Variants in LDLRAD4 observed in about 807,000 individuals in gnomAD.
The protein encoded by LDLRAD4 is low-density lipoprotein receptor class A domain-containing protein 4.
In LDLRAD4, 5 loss-of-function variants were observed where a neutral mutation model predicts 17.0. The ratio of observed to expected loss-of-function variants is 0.29; its 90% CI spans 0.15 to 0.62. The LOEUF is 0.62. LDLRAD4 is among the 20% of genes least tolerant of loss of function. The pLI, the probability that LDLRAD4 is intolerant of heterozygous loss-of-function variation, is 0.84. For missense variants in LDLRAD4, 340 were observed against 424.7 expected, an observed-to-expected ratio of 0.80 and a Z score of 1.75; for synonymous variants, 168 against 171.8, an observed-to-expected ratio of 0.98 and a Z score of 0.17.
intron 1 of LDLRAD4, among the ~76,000 whole-genome samples, chr18:13,343,933 G>A (rs1282345815): frequency 2.0e-5 from 3 of 152,100 alleles, no homozygotes. Context: ...GGGGTTATTT[G>A]TTTTTTTCTT....
intron 1 of LDLRAD4, among the ~76,000 whole-genome samples, chr18:13,336,785 C>T (rs1183448506): frequency 6.6e-6 from 1 of 151,958 alleles, no homozygotes; most frequent in Non-Finnish European, 1.5e-5. Flanking sequence ...CCCTCCCTCT[C>T]TTCTGTCTTC....
chr18:13,290,766 C>A (rs2045920325), intron 1 of LDLRAD4, among the ~76,000 whole-genome samples: 2 of 152,172 alleles, frequency 1.3e-5, no homozygotes, highest in Admixed American at 1.3e-4. Context: ...ACCAGAAGAA[C>A]AGAAACACCT....
rs141282654 is a variant in LDLRAD4, at chr18:13,572,418, G to C, written c.182-48699G>C. Among the ~76,000 whole-genome samples, 8 of 152,334 alleles carry C rather than the reference G, an allele frequency of 5.3e-5. No individual in the cohort carries two copies. The East Asian group carries it at 1.5e-3, about 29-fold the overall frequency. On this transcript the variant is annotated intron_variant, in intron 3 of 5. Coordinates refer to ENST00000359446, the Ensembl canonical transcript of LDLRAD4. ...TGCCTGTGATGTGCTTACAGCCTGG[G>C]CTGGGAGTGGAAGGAGGCTCTGGTT...
At position 13,428,803 on chromosome 18, in the gene LDLRAD4, A is replaced by G. The variant is rs115209956; in HGVS notation, c.41-9441A>G. ...CTCTATCCCCAGTGCAGTTTCTGAG[A>G]TAGGGAAAGCTACTGGGGGAGTGAC... On this transcript the variant is annotated intron_variant, in intron 2 of 5. Coordinates refer to ENST00000359446, the Ensembl canonical transcript of LDLRAD4. 8.5e-3 allele frequency among the ~76,000 whole-genome samples: 1,294 copies of G among 152,226 alleles called. 24 individuals are homozygous for G. The highest frequency in any genetic ancestry group is 0.029 in the African/African-American group (1,221 of 41,516).
At chr18:13,283,484 A>G (rs2045412019) in intron 1 of LDLRAD4, among the ~76,000 whole-genome samples, 2 of 152,224 alleles carry the variant, frequency 1.3e-5, no homozygotes, top group African/African-American at 4.8e-5. Context: ...AAATGTTGCC[A>G]GTCTCTTTGC....
In LDLRAD4 at chr18:13,237,943, G is replaced by A. The variant is rs141647080; in HGVS notation, c.-467+18955G>A. Among the ~76,000 whole-genome samples, 548 of 152,276 alleles carry A rather than the reference G, an allele frequency of 3.6e-3. 6 individuals carry two copies. Among genetic ancestry groups the A allele is most frequent in the African/African-American group, 0.011 (468 of 41,546 alleles). The stretch of plus-strand genomic sequence containing the variant: ...AAATGGGAGGCTGGGGTAGAGTCTG[G>A]TGGCCTCCTGGATGCCCACCCTGGT... On this transcript the variant is annotated intron_variant, in intron 1 of 5. Coordinates refer to the LDLRAD4 transcript ENST00000399848.
chr18:13,460,767 A>G (rs1242569840), intron 3 of LDLRAD4, among the ~76,000 whole-genome samples: 1 of 152,152 alleles, frequency 6.6e-6, no homozygotes, highest in Non-Finnish European at 1.5e-5. Flanking sequence ...TGTGTATTTA[A>G]TTATTTTAAT....
chr18:13,322,263 A>G (rs921374356), intron 1 of LDLRAD4, among the ~76,000 whole-genome samples: 1 of 117,436 alleles, frequency 8.5e-6, no homozygotes, highest in Non-Finnish European at 1.8e-5. Flanking sequence ...TATTTCTATT[A>G]TTTATTTAAG....
chr18:13,239,218 C>T (rs1026078282), intron 1 of LDLRAD4, among the ~76,000 whole-genome samples: 11 of 149,592 alleles, frequency 7.4e-5, no homozygotes, highest in Non-Finnish European at 1.2e-4. Flanking sequence ...CTGCTTGTAA[C>T]TGCGGGCTCG....
At chr18:13,495,139 G>A (rs868222068) in intron 3 of LDLRAD4, among the ~76,000 whole-genome samples, 1 of 152,148 alleles carries the variant, frequency 6.6e-6, no homozygotes, top group Non-Finnish European at 1.5e-5. Context: ...GGGCTATGCA[G>A]CAGGATTCAG....
chr18:13,581,862 C>G (rs1405975902), intron 3 of LDLRAD4, among the ~76,000 whole-genome samples: 1 of 152,036 alleles, frequency 6.6e-6, no homozygotes, highest in Non-Finnish European at 1.5e-5. Context: ...CACTCATGTG[C>G]AGAGCTATGC....
At chr18:13,375,737 C>T (rs1378485815) in intron 1 of LDLRAD4, among the ~76,000 whole-genome samples, 1 of 152,148 alleles carries the variant, frequency 6.6e-6, no homozygotes, top group Non-Finnish European at 1.5e-5. Context: ...CCTCCCTTCC[C>T]TCTGTACAGT....
At chr18:13,243,591 A>G (rs972110945) in intron 1 of LDLRAD4, among the ~76,000 whole-genome samples, 7 of 149,342 alleles carry the variant, frequency 4.7e-5, no homozygotes, top group African/African-American at 7.5e-5. Context: ...TCCTCTATCC[A>G]TCCACCCACC....
intron 1 of LDLRAD4, among the ~76,000 whole-genome samples, chr18:13,376,052 C>T (rs2144968928): frequency 6.6e-6 from 1 of 152,208 alleles, no homozygotes; most frequent in Admixed American, 6.5e-5. Flanking sequence ...CTCGTTCTTG[C>T]CGTTTGAGGG....
chr18:13,650,033 G>T, exon 6 of LDLRAD4: 1 of 398,636 alleles, frequency 2.5e-6, no homozygotes, highest in Admixed American at 4.4e-5. Context: ...CTAGTTCTCA[G>T]CAGCTGCGTG....
At chr18:13,380,416 C>T (rs1362583829) in intron 1 of LDLRAD4, among the ~76,000 whole-genome samples, 1 of 152,216 alleles carries the variant, frequency 6.6e-6, no homozygotes, top group Non-Finnish European at 1.5e-5. Flanking sequence ...ATCCAGACAC[C>T]TGGTTCCAGC....
chr18:13,335,140 A>C (rs2143857164), intron 1 of LDLRAD4, among the ~76,000 whole-genome samples: 1 of 152,110 alleles, frequency 6.6e-6, no homozygotes, highest in Admixed American at 6.5e-5. Context: ...TAAGTTGGTA[A>C]GTTGATGTTT....
chr18:13,482,700 A>G (rs569717642), intron 3 of LDLRAD4, among the ~76,000 whole-genome samples: 2 of 152,248 alleles, frequency 1.3e-5, no homozygotes, highest in South Asian at 2.1e-4. Flanking sequence ...AGAGCAGACA[A>G]TGGACTGGGA....
intron 1 of LDLRAD4, chr18:13,240,110 G>C (rs1317797688): frequency 6.6e-6 from 1 of 152,224 alleles, no homozygotes; most frequent in African/African-American, 2.4e-5. Flanking sequence ...TTGCACATTA[G>C]TTAAATAACT....
Sources: allele counts gnomAD v4.1 joint callset (sites outside exome capture counted in the v4.1 genomes callset), GRCh38; gene constraint gnomAD v4.1.1; transcripts MANE v1.5; gene names NCBI Gene and HGNC (gene_info 2026-07-23, HGNC 2026-07-21).